The following ZNF701 variants were observed in gnomAD, a reference collection of about 807,000 sequenced individuals.
ZNF701 encodes zinc finger protein 701.
A neutral mutation model predicts 7.1 loss-of-function variants in ZNF701; 6 were observed. That is an observed-to-expected ratio of 0.84 (90% CI 0.46 to 1.66). ZNF701 has a LOEUF of 1.66. ZNF701 is among the 40% of genes most tolerant of loss of function. ZNF701 has a pLI of 0.01. For synonymous variants in ZNF701, 166 were observed against 188.2 expected, an observed-to-expected ratio of 0.88 and a Z score of 0.97; for missense variants, 541 against 559.2, an observed-to-expected ratio of 0.97 and a Z score of 0.33.
chr19:52,591,335 CG>C (rs2060036043), downstream of ZNF701, among the ~76,000 whole-genome samples: 1 of 151,752 alleles, frequency 6.6e-6, no homozygotes. Context: ...TTTCCCCCAC[CG>C]TGCCTAGCAA....
At chr19:52,589,565 C>T (rs969009365), downstream of ZNF701, among the ~76,000 whole-genome samples, 16 of 151,240 alleles carry the variant, frequency 1.1e-4, no homozygotes, top group East Asian at 2.0e-4. Context: ...CTGCAGCCTC[C>T]ACCTCCCGGG....
the ZNF701 span, chr19:52,596,777 C>T: frequency 7.5e-6 from 4 of 531,410 alleles, no homozygotes; most frequent in Admixed American, 5.9e-5. Flanking sequence ...TGGAAAGAAA[C>T]CTTACACATG....
chr19:52,582,812 CT>C lies in ZNF701; in HGVS notation c.756del (p.His253IlefsTer34), dbSNP rs753543410. 214 of 1,614,044 alleles carry C rather than the reference CT, an allele frequency of 1.3e-4. No individual in the cohort carries two copies. The highest frequency in any genetic ancestry group is 1.7e-4 in the Non-Finnish European group (204 of 1,180,038). On this transcript the variant is annotated frameshift_variant, in exon 4 of 4. Coordinates refer to ENST00000391785, the MANE Select transcript of ZNF701 (RefSeq NM_018260.3). LOFTEE classifies it low-confidence loss of function (END_TRUNC). Reference protein sequence around the residue: ...QYKCDVCGKDFHQKRYLACHR... With the variant: ...QYKCDVCGKDXHQKRYLACHR... ...ATAAATGTGATGTATGCGGCAAGGA[CT>C]TTCATCAGAAGCGATACCTTGCATG...
intron 1 of ZNF701, chr19:52,572,324 G>A (rs774187687): frequency 1.6e-6 from 2 of 1,251,640 alleles, no homozygotes; most frequent in African/African-American, 1.5e-5. Flanking sequence ...CAAAGTGCTG[G>A]GATTACAGGT....
At chr19:52,578,704 T>C (rs1303356377) in intron 3 of ZNF701, among the ~76,000 whole-genome samples, 5 of 152,236 alleles carry the variant, frequency 3.3e-5, no homozygotes. Context: ...TTTGTAAACA[T>C]GTAAATGGTT....
the ZNF701 span, chr19:52,598,205 A>C: frequency 6.6e-6 from 1 of 152,180 alleles, no homozygotes; most frequent in African/African-American, 2.4e-5. Context: ...CGGCCTCCCA[A>C]AGTGCTGGGA....
chr19:52,589,483 T>C (rs1463048439), downstream of ZNF701, among the ~76,000 whole-genome samples: 1 of 151,354 alleles, frequency 6.6e-6, no homozygotes, highest in Non-Finnish European at 1.5e-5. Flanking sequence ...GCCTGCTTTT[T>C]TTTTTTTTCT....
intron 3 of ZNF701, among the ~76,000 whole-genome samples, chr19:52,577,637 A>G (rs2059943830): frequency 6.6e-6 from 1 of 152,104 alleles, no homozygotes; most frequent in South Asian, 2.1e-4. Flanking sequence ...TCACACCCGC[A>G]TAAGGGCCGC....
At chr19:52,592,359 A>T in the ZNF701 span, 2 of 999,226 alleles carry the variant, frequency 2.0e-6, no homozygotes, top group Non-Finnish European at 2.9e-6. Context: ...TTCTACAGTG[A>T]TGACCCTCAT....
intron 1 of ZNF701, 135 bp downstream of exon 1, chr19:52,570,465 C>T (rs935490092): frequency 6.6e-5 from 10 of 152,258 alleles, no homozygotes; most frequent in African/African-American, 2.2e-4. Flanking sequence ...CAGACGTTCC[C>T]CTGGGAATCC....
At chr19:52,587,349 A>G (rs28680562), downstream of ZNF701, among the ~76,000 whole-genome samples, 54 of 151,114 alleles carry the variant, frequency 3.6e-4, no homozygotes, top group Middle Eastern at 3.4e-3. Flanking sequence ...TGTCCTCCTC[A>G]CTCCCTCTGC....
At chr19:52,575,872 C>G in intron 2 of ZNF701, 23 bp from the exon 3 acceptor site, 14 of 1,418,324 alleles carry the variant, frequency 9.9e-6, no homozygotes, top group Non-Finnish European at 1.3e-5. Context: ...TAACCATTTG[C>G]TTAAAATGTG....
the ZNF701 span, chr19:52,597,076 A>G: frequency 8.3e-6 from 10 of 1,202,668 alleles, no homozygotes; most frequent in African/African-American, 1.5e-5. Context: ...ATCCATAATG[A>G]AGACAGATCT....
intron 3 of ZNF701, among the ~76,000 whole-genome samples, chr19:52,578,467 G>A (rs1246681597): frequency 6.6e-6 from 1 of 151,930 alleles, no homozygotes; most frequent in East Asian, 1.9e-4. Flanking sequence ...AGCTGTTTGG[G>A]GCCACTACCT....
the ZNF701 span, chr19:52,594,029 T>C: frequency 3.9e-5 from 5 of 127,878 alleles, 1 homozygote; most frequent in East Asian, 4.1e-4. Context: ...CTGGGCACCA[T>C]TGAGCACTGA....
chr19:52,597,155 T>G, the ZNF701 span: 1 of 643,676 alleles, frequency 1.6e-6, no homozygotes, highest in Non-Finnish European at 2.9e-6. Flanking sequence ...AGCGAACTCA[T>G]ACTGGAGAGA....
chr19:52,579,980 A>C (rs931925473), intron 3 of ZNF701, among the ~76,000 whole-genome samples: 1 of 141,914 alleles, frequency 7.0e-6, no homozygotes, highest in African/African-American at 3.0e-5. Flanking sequence ...CTCGCTCTGT[A>C]GCCCAGGCTG....
At chr19:52,596,349 A>G in the ZNF701 span, 1 of 402,176 alleles carries the variant, frequency 2.5e-6, no homozygotes, top group East Asian at 6.6e-5. Context: ...CATAGACTTC[A>G]TACTGTACAG....
the ZNF701 span, among the ~76,000 whole-genome samples, chr19:52,593,229 T>C: frequency 8.4e-6 from 1 of 118,576 alleles, no homozygotes; most frequent in Non-Finnish European, 1.8e-5. Context: ...TTTCCCCACC[T>C]TTCCCCCCTT....
Sources: allele counts gnomAD v4.1 joint callset (sites outside exome capture counted in the v4.1 genomes callset), GRCh38; gene constraint gnomAD v4.1.1; transcripts MANE v1.5; gene names NCBI Gene and HGNC (gene_info 2026-07-23, HGNC 2026-07-21).